VAT1L: variants seen among roughly 807,000 people sequenced by gnomAD.
VAT1L encodes vesicle amine transport 1 like.
A neutral mutation model predicts 44.1 loss-of-function variants in VAT1L; 34 were observed. That is an observed-to-expected ratio of 0.77 (90% CI 0.59 to 1.03). VAT1L has a LOEUF of 1.03. VAT1L is among the 50% of genes least tolerant of loss of function. VAT1L has a pLI of 0.00. For synonymous variants in VAT1L, 253 were observed against 202.2 expected (o/e 1.25, Z -2.13); for missense variants, 615 against 538.8 (o/e 1.14, Z -1.40).
chr16:77,789,811 G>C (rs1427673770), intron 1 of VAT1L, among the ~76,000 whole-genome samples: 1 of 152,082 alleles, frequency 6.6e-6, no homozygotes, highest in South Asian at 2.1e-4. Flanking sequence ...AGGCCCTCAC[G>C]CTCAGCTGAA....
chr16:77,856,682 C>T (rs1004483419), intron 3 of VAT1L, among the ~76,000 whole-genome samples: 1 of 152,220 alleles, frequency 6.6e-6, no homozygotes, highest in Non-Finnish European at 1.5e-5. Context: ...GAGACTCCAG[C>T]AGCTCTGCAA....
At chr16:77,825,109 C>A in intron 2 of VAT1L, 137 bp from the exon 3 acceptor site, 1 of 832,496 alleles carries the variant, frequency 1.2e-6, no homozygotes, top group Non-Finnish European at 2.0e-6. Context: ...TTGATTGATT[C>A]ACCCACCTCA....
intron 4 of VAT1L, among the ~76,000 whole-genome samples, chr16:77,869,233 G>A (rs1232183022): frequency 5.3e-5 from 8 of 152,184 alleles, no homozygotes; most frequent in East Asian, 3.9e-4. Context: ...AGACCAAGAC[G>A]TCTTTTCCTT....
chr16:77,879,203 C>T lies in VAT1L; in HGVS notation c.861C>T (p.Ser287=), dbSNP rs1453015702. The change falls in exon 6 of 9, where the codon AGC becomes AGT. Residue 287 remains serine, a synonymous_variant. Transcript: ENST00000302536. This position sits in a 1 kb window ranked among gnomAD's most constrained non-coding sequence, Gnocchi z 4.1. The part of the protein sequence containing the change: ...SSNMVTGETK[S]FFSFAKSWWQ... ...ACATGGTAACTGGAGAGACCAAGAG[C>T]TTCTTCAGCTTTGCAAAATCAGTAA... 1.2e-6 allele frequency: 2 copies of T among 1,614,072 alleles called. No homozygotes were observed. Among genetic ancestry groups the T allele is most frequent in the African/African-American group, 2.7e-5 (2 of 74,928 alleles).
At chr16:77,891,314 A>C (rs2017263341) in intron 7 of VAT1L, among the ~76,000 whole-genome samples, 1 of 152,200 alleles carries the variant, frequency 6.6e-6, no homozygotes, top group South Asian at 2.1e-4. Flanking sequence ...AGATCGCGCC[A>C]CTGCACTTCA....
intron 3 of VAT1L, among the ~76,000 whole-genome samples, chr16:77,844,649 TC>T (rs34727733): frequency 0.038 from 5,814 of 152,152 alleles, 137 homozygotes; most frequent in African/African-American, 0.05. Flanking sequence ...CCTCAGGTGA[TC>T]CAGCCGTCTT....
intron 3 of VAT1L, among the ~76,000 whole-genome samples, chr16:77,841,468 T>G (rs2016705132): frequency 6.6e-6 from 1 of 152,240 alleles, no homozygotes; most frequent in African/African-American, 2.4e-5. Context: ...TTCCTCCTTG[T>G]TGACCCATTA....
At chr16:77,961,256 G>T (rs1389458207) in intron 7 of VAT1L, among the ~76,000 whole-genome samples, 1 of 152,022 alleles carries the variant, frequency 6.6e-6, no homozygotes, top group Non-Finnish European at 1.5e-5. Context: ...TGTCACCAAG[G>T]GGGCTTCTCC....
At chr16:77,911,659 G>T (rs965545533) in intron 7 of VAT1L, among the ~76,000 whole-genome samples, 2 of 152,174 alleles carry the variant, frequency 1.3e-5, no homozygotes, top group Non-Finnish European at 2.9e-5. Flanking sequence ...AAAGCCTGAG[G>T]AGTGGCTGTT....
intron 7 of VAT1L, among the ~76,000 whole-genome samples, chr16:77,970,669 T>C (rs2018269448): frequency 2.0e-5 from 3 of 152,220 alleles, no homozygotes; most frequent in African/African-American, 4.8e-5. Flanking sequence ...AATACTGTAA[T>C]TGAGTATCTT....
chr16:77,849,854 G>A (rs1274710800), intron 3 of VAT1L, among the ~76,000 whole-genome samples: 1 of 152,220 alleles, frequency 6.6e-6, no homozygotes. Context: ...CGCAGGATCT[G>A]AAGTCACAGA....
intron 3 of VAT1L, among the ~76,000 whole-genome samples, chr16:77,833,891 C>T (rs2016610133): frequency 6.6e-6 from 1 of 152,156 alleles, no homozygotes; most frequent in African/African-American, 2.4e-5. Flanking sequence ...ACAAAGAATT[C>T]CGGACAGGAG....
intron 1 of VAT1L, among the ~76,000 whole-genome samples, chr16:77,796,931 G>A (rs1022132605): frequency 6.6e-6 from 1 of 152,082 alleles, no homozygotes; most frequent in African/African-American, 2.4e-5. Flanking sequence ...CTATGGCCAT[G>A]GTACACACTG....
rs1444360838 is a variant in VAT1L at position 77,909,638 on chromosome 16, A to T, written c.1077+24836A>T. Among the ~76,000 whole-genome samples the T allele has an allele frequency of 5.3e-3, 3 of 570 alleles. No homozygotes were observed. The East Asian group carries it at 0.15, about 28-fold the overall frequency. 0.4% of individuals were successfully genotyped at this position (570 alleles called of 152,430 possible). ...GGCGACAGAGGGAGACTCTGTCTCAAAAAAAAAAAAAAAAAAAAAGACTTC... is the reference window on the plus strand; with the variant it reads ...GGCGACAGAGGGAGACTCTGTCTCATAAAAAAAAAAAAAAAAAAAGACTTC... On this transcript the variant is annotated intron_variant, in intron 7 of 8. Coordinates refer to ENST00000302536, the MANE Select transcript of VAT1L (RefSeq NM_020927.3).
chr16:77,847,656 C>T (rs2016770489), intron 3 of VAT1L, among the ~76,000 whole-genome samples: 1 of 152,146 alleles, frequency 6.6e-6, no homozygotes, highest in Non-Finnish European at 1.5e-5. Context: ...GTAAGAAATT[C>T]TTCTTGTGCA....
intron 7 of VAT1L, among the ~76,000 whole-genome samples, chr16:77,969,993 C>T (rs1055231463): frequency 1.2e-4 from 17 of 137,376 alleles, no homozygotes; most frequent in Non-Finnish European, 2.0e-4. Flanking sequence ...GGGGGAGGAT[C>T]ACTTGAGGCC....
At chr16:77,922,814 A>C (rs747272605) in intron 7 of VAT1L, among the ~76,000 whole-genome samples, 1 of 152,144 alleles carries the variant, frequency 6.6e-6, no homozygotes, top group Non-Finnish European at 1.5e-5. Flanking sequence ...TTTAAACCTA[A>C]GTTTGCCTGA....
At chr16:77,882,819 A>T (rs974038656) in intron 6 of VAT1L, among the ~76,000 whole-genome samples, 1 of 152,222 alleles carries the variant, frequency 6.6e-6, no homozygotes. Flanking sequence ...ACTGTCCCAT[A>T]GAATAGAATT....
chr16:77,935,408 T>C (rs904790389), intron 7 of VAT1L, among the ~76,000 whole-genome samples: 3 of 151,988 alleles, frequency 2.0e-5, no homozygotes, highest in African/African-American at 7.3e-5. Flanking sequence ...GAGCATCTTC[T>C]TTGGGCACGA....
Sources: gnomAD v4.1 joint callset for allele counts (sites outside exome capture counted in the v4.1 genomes callset) on GRCh38, gnomAD v4.1.1 for gene constraint, Gnocchi (gnomAD v3.1) non-coding constraint, MANE v1.5 for transcripts, NCBI Gene and HGNC (gene_info 2026-07-23, HGNC 2026-07-21) for gene names.